CDH4: variants seen among roughly 807,000 people sequenced by gnomAD.
CDH4 encodes cadherin-4.
In CDH4, 33 loss-of-function variants were observed where a neutral mutation model predicts 86.0. The ratio of observed to expected loss-of-function variants is 0.38; its 90% CI spans 0.29 to 0.51. The LOEUF (loss-of-function observed/expected upper bound fraction) is 0.51. Among genes scored for constraint, CDH4 ranks in the 20% least tolerant of loss-of-function variants. The pLI is 0.86. For synonymous variants in CDH4, 555 were observed against 549.4 expected (o/e 1.01, Z -0.14); for missense variants, 1,114 against 1,307.4 (o/e 0.85, Z 2.28).
intron 2 of CDH4, among the ~76,000 whole-genome samples, chr20:61,399,421 C>T (rs1479734140): frequency 2.2e-5 from 1 of 45,176 alleles, no homozygotes; most frequent in African/African-American, 1.2e-4. Flanking sequence ...CGTGAGCCAC[C>T]GCGCCCGGCC....
At position 61,518,898 on chromosome 20, in the gene CDH4, TCATC is replaced by T. The variant is rs780635052; in HGVS notation, c.170-224660_170-224657del. 6.6e-6 allele frequency among the ~76,000 whole-genome samples: 1 copy of T among 151,872 alleles called. No individual in the cohort carries two copies. Among genetic ancestry groups the T allele is most frequent in the Non-Finnish European group, 1.5e-5 (1 of 67,982 alleles). ...ATTCATCAATCCACCCATCATCCAT[TCATC>T]CATCATTCATTCATCTACCCACCTC... On this transcript the variant is annotated intron_variant, in intron 2 of 15. Transcript: ENST00000614565. The surrounding 1 kb of genome is among the most constrained non-coding windows in gnomAD (Gnocchi z 6.3).
chr20:61,874,272 C>A (rs1159409509), intron 7 of CDH4, among the ~76,000 whole-genome samples: 1 of 152,120 alleles, frequency 6.6e-6, no homozygotes, highest in East Asian at 1.9e-4. Flanking sequence ...TGAAACCCAC[C>A]CCTTCTGGGC....
intron 3 of CDH4, among the ~76,000 whole-genome samples, chr20:61,755,993 G>A (rs1316901211): frequency 1.3e-5 from 2 of 151,466 alleles, no homozygotes. Flanking sequence ...CACTTGGGGT[G>A]TTCACCACGC....
At chr20:61,692,301 G>A (rs928634164) in intron 2 of CDH4, among the ~76,000 whole-genome samples, 2 of 152,130 alleles carry the variant, frequency 1.3e-5, no homozygotes, top group Admixed American at 6.6e-5. Flanking sequence ...GTCTGTGTGT[G>A]TGTGTATGTA....
At chr20:61,575,889 T>C (rs984426472) in intron 2 of CDH4, among the ~76,000 whole-genome samples, 1 of 152,130 alleles carries the variant, frequency 6.6e-6, no homozygotes, top group Admixed American at 6.5e-5. Context: ...ATAAATAGGA[T>C]TCAACTCTGC....
intron 9 of CDH4, among the ~76,000 whole-genome samples, chr20:61,914,004 C>T (rs1249036550): frequency 6.6e-6 from 1 of 152,194 alleles, no homozygotes; most frequent in Non-Finnish European, 1.5e-5. Flanking sequence ...TTTCCCGAAG[C>T]ATGTCTACAG....
At chr20:61,834,811 T>C (rs186053477) in intron 4 of CDH4, among the ~76,000 whole-genome samples, 1 of 152,348 alleles carries the variant, frequency 6.6e-6, no homozygotes, top group African/African-American at 2.4e-5. Context: ...GGATTATTCC[T>C]AGCCCGAGTC....
At position 61,923,442 on chromosome 20, in the gene CDH4, T is replaced by C; in HGVS notation, c.1375-9T>C. ...CCAGGTCACTCCCAGCCCTGATCTG[T>C]TGTTCCAGGCAGTCGACTACGAGCT... On this transcript the variant is annotated splice_polypyrimidine_tract_variant and intron_variant, in intron 9 of 15. Coordinates refer to ENST00000614565, the MANE Select transcript of CDH4 (RefSeq NM_001794.5). 9 of 1,613,754 alleles carry C rather than the reference T, an allele frequency of 5.6e-6. No individual in the cohort carries two copies. Among genetic ancestry groups the C allele is most frequent in the Non-Finnish European group, 7.6e-6 (9 of 1,179,736 alleles).
chr20:61,282,896 C>T (rs1339269451), intron 2 of CDH4, among the ~76,000 whole-genome samples: 2 of 151,976 alleles, frequency 1.3e-5, no homozygotes, highest in Non-Finnish European at 1.5e-5. Flanking sequence ...CATTTGCACG[C>T]GTGTGCTGTG....
intron 6 of CDH4, among the ~76,000 whole-genome samples, chr20:61,869,523 C>T (rs1030862820): frequency 2.0e-5 from 3 of 152,206 alleles, no homozygotes; most frequent in African/African-American, 7.2e-5. Flanking sequence ...CAGCCACGTT[C>T]CTCGTCTGTG....
intron 2 of CDH4, among the ~76,000 whole-genome samples, chr20:61,615,291 T>G (rs2086716623): frequency 6.6e-6 from 1 of 152,090 alleles, no homozygotes; most frequent in South Asian, 2.1e-4. Flanking sequence ...CCAGCTAATT[T>G]TTGTATTTTT....
chr20:61,911,384 C>T (rs1190528647), intron 9 of CDH4, among the ~76,000 whole-genome samples: 3 of 152,358 alleles, frequency 2.0e-5, no homozygotes, highest in South Asian at 2.1e-4. Context: ...TTTCTACACT[C>T]ATAATTCATA....
At position 61,621,536 on chromosome 20, in the gene CDH4, C is replaced by T. The variant is rs115031837; in HGVS notation, c.170-122027C>T. On this transcript the variant is annotated intron_variant, in intron 2 of 15. Transcript: ENST00000614565. ...GAGTAACAAAGTTGTTGCTGCCTGC[C>T]TCTGTCAGGCAGGGCTTTCATCACC... Among the ~76,000 whole-genome samples the T allele has an allele frequency of 4.1e-3, 627 of 152,266 alleles. 4 individuals carry two copies. The highest frequency in any genetic ancestry group is 0.017 in the Middle Eastern group (5 of 294).
At chr20:61,680,793 A>G (rs2087503961) in intron 2 of CDH4, among the ~76,000 whole-genome samples, 1 of 151,778 alleles carries the variant, frequency 6.6e-6, no homozygotes, top group African/African-American at 2.4e-5. Flanking sequence ...AGCCTCAGCC[A>G]GTGCCCTGGA....
intron 2 of CDH4, among the ~76,000 whole-genome samples, chr20:61,566,882 G>A (rs1405239730): frequency 6.6e-6 from 1 of 152,098 alleles, no homozygotes; most frequent in Non-Finnish European, 1.5e-5. Flanking sequence ...ATGGCACGCG[G>A]CTCACAGATA....
In CDH4 at chr20:61,626,262, C is replaced by T. The variant is rs562163986; in HGVS notation, c.170-117301C>T. Among the ~76,000 whole-genome samples, 17 of 152,148 alleles carry T rather than the reference C, an allele frequency of 1.1e-4. No individual in the cohort carries two copies. In the South Asian group the frequency reaches 3.1e-3, roughly 28 times the overall value. On this transcript the variant is annotated intron_variant, in intron 2 of 15. Transcript: ENST00000614565. Reference sequence around the variant, plus strand: ...GGGTGGGGGTCAGTTTTAAATGGGACGTCAGAGCAGAGGGAATCAGCTGGA... The same window carrying T: ...GGGTGGGGGTCAGTTTTAAATGGGATGTCAGAGCAGAGGGAATCAGCTGGA...
intron 2 of CDH4, among the ~76,000 whole-genome samples, chr20:61,602,909 G>A (rs543058409): frequency 9.3e-4 from 141 of 152,314 alleles, no homozygotes; most frequent in African/African-American, 3.2e-3. Context: ...CCAGACCAGC[G>A]AATGGAGAGC....
intron 2 of CDH4, among the ~76,000 whole-genome samples, chr20:61,500,407 A>G (rs1257839007): frequency 1.3e-5 from 2 of 152,232 alleles, no homozygotes; most frequent in African/African-American, 4.8e-5. Context: ...GCTCATTACA[A>G]TTCCACATCA....
chr20:61,613,261 A>G (rs1294329322), intron 2 of CDH4, among the ~76,000 whole-genome samples: 4 of 152,176 alleles, frequency 2.6e-5, no homozygotes, highest in African/African-American at 9.7e-5. Flanking sequence ...AAAGTCGTTT[A>G]AAGACCAGAG....
Sources: allele counts gnomAD v4.1 joint callset (sites outside exome capture counted in the v4.1 genomes callset), GRCh38; gene constraint gnomAD v4.1.1; non-coding constraint Gnocchi (gnomAD v3.1); transcripts MANE v1.5; gene names NCBI Gene and HGNC (gene_info 2026-07-23, HGNC 2026-07-21).